The following NOD1 variants were observed in gnomAD, a reference collection of about 807,000 sequenced individuals.
NOD1 encodes nucleotide binding oligomerization domain containing 1.
A neutral mutation model predicts 81.2 loss-of-function variants in NOD1; 70 were observed. The observed-to-expected ratio is 0.86, with a 90% CI of 0.71 to 1.05. The LOEUF is 1.05. Ranked by LOEUF, NOD1 falls within the 50% of genes least tolerant of loss-of-function variation. NOD1 has a pLI of 0.00. For missense variants in NOD1, 1,233 were observed against 1,228.0 expected (o/e 1.00, Z -0.06); for synonymous variants, 508 against 526.9 (o/e 0.96, Z 0.49).
Position 30,451,521 on chromosome 7 carries a change from C to A in NOD1, c.1896G>T (p.Leu632=), listed in dbSNP as rs753351446. ...AHLFSSLRGY[L]KSLPRVQVES... ...CGACCTGAACGCGGGGCAGGCTCTT[C>A]AGGTAGCCCCGCAGGCTGGAAAACA... The change falls in exon 6 of 14, where the codon CTG becomes CTT. Residue 632 remains leucine (L), a synonymous_variant. Transcript: ENST00000222823. The surrounding 1 kb of genome is among the most constrained non-coding windows in gnomAD (Gnocchi z 4.2). The A allele has an allele frequency of 6.2e-7, 1 of 1,613,126 alleles. No homozygotes were observed.
chr7:30,430,242 TTAA>T (rs1783826218), intron 12 of NOD1, among the ~76,000 whole-genome samples: 1 of 152,180 alleles, frequency 6.6e-6, no homozygotes, highest in African/African-American at 2.4e-5. Context: ...TGGAAAAGCT[TTAA>T]TAATGGGGAC....
chr7:30,431,329 G>C (rs1453048949), intron 12 of NOD1, among the ~76,000 whole-genome samples: 1 of 152,206 alleles, frequency 6.6e-6, no homozygotes, highest in Non-Finnish European at 1.5e-5. Context: ...CATAAGAAAT[G>C]CAAAGAACCC....
At chr7:30,446,269 C>A (rs774620573) in intron 8 of NOD1, 45 bp from the exon 9 acceptor site, 1 of 1,440,514 alleles carries the variant, frequency 6.9e-7, no homozygotes, top group East Asian at 2.3e-5. Context: ...TATGCAGGGG[C>A]TCCAATGTGG....
intron 9 of NOD1, among the ~76,000 whole-genome samples, chr7:30,445,278 T>TAAAAAAAAAAAAA (rs55875433): frequency 1.3e-4 from 9 of 69,180 alleles, no homozygotes; most frequent in Non-Finnish European, 1.8e-4. Context: ...AAAAAGAATC[T>TAAAAAAAAAAAAA]AAAAAAAAAA....
chr7:30,458,279 G>C (rs372459554), intron 3 of NOD1, among the ~76,000 whole-genome samples: 1 of 152,098 alleles, frequency 6.6e-6, no homozygotes, highest in Non-Finnish European at 1.5e-5. Flanking sequence ...GAATACTTGC[G>C]TGTGTAAAAT....
Position 30,455,671 on chromosome 7 carries a change from G to T in NOD1, c.202-360C>A, listed in dbSNP as rs376089015. The stretch of plus-strand genomic sequence containing the variant: ...GGCTGGAGTGCAATGGCACAATCTT[G>T]GCTCACTGCAACCTCCACCTCCCAG... On this transcript the variant is annotated intron_variant, in intron 4 of 13. Coordinates refer to ENST00000222823, the MANE Select transcript of NOD1 (RefSeq NM_006092.4). Among the ~76,000 whole-genome samples the T allele has an allele frequency of 2.5e-4, 37 of 149,700 alleles. No individual in the cohort carries two copies. The South Asian group carries it at 7.2e-3, about 29-fold the overall frequency.
intron 9 of NOD1, among the ~76,000 whole-genome samples, chr7:30,438,249 G>C (rs1011609721): frequency 2.6e-5 from 4 of 152,204 alleles, no homozygotes; most frequent in African/African-American, 9.7e-5. Context: ...GCTGTATTCT[G>C]TCCCCTACAG....
At chr7:30,447,946 G>A in intron 7 of NOD1, 1 of 225,054 alleles carries the variant, frequency 4.4e-6, no homozygotes, top group Non-Finnish European at 8.8e-6. Context: ...TGCCCCAAAG[G>A]CTCTGGATGA....
chr7:30,432,994 T>A, intron 12 of NOD1, 102 bp downstream of exon 12: 1 of 866,252 alleles, frequency 1.2e-6, no homozygotes, highest in Admixed American at 2.4e-5. Flanking sequence ...AACCTCTGAA[T>A]TGTATACTTT....
intron 11 of NOD1, 142 bp downstream of exon 11, chr7:30,435,856 G>A (rs903748599): frequency 9.2e-6 from 6 of 649,802 alleles, no homozygotes; most frequent in Non-Finnish European, 1.6e-5. Flanking sequence ...GACTCGGAAG[G>A]CCAAGGCGGG....
intron 1 of NOD1, among the ~76,000 whole-genome samples, chr7:30,468,656 G>A (rs1188724552): frequency 6.6e-6 from 1 of 152,152 alleles, no homozygotes; most frequent in African/African-American, 2.4e-5. Context: ...GTAGGTACCT[G>A]CCTACCTCAG....
chr7:30,448,296 AC>A lies in NOD1; in HGVS notation c.2285+1del. Reference sequence around the variant, plus strand: ...GGCCCAGTGTTCTGGAGAAAGACATACCCCAAATAGGTCACAATTTTGTATT... The same window carrying A: ...GGCCCAGTGTTCTGGAGAAAGACATACCCAAATAGGTCACAATTTTGTATT... On this transcript the variant is annotated splice_donor_variant, in intron 7 of 13. Transcript: ENST00000222823. LOFTEE classifies it high-confidence loss of function. 1.2e-6 allele frequency: 2 copies of A among 1,611,354 alleles called. No homozygotes were observed. The highest frequency in any genetic ancestry group is 8.5e-7 in the Non-Finnish European group (1 of 1,177,470).
At chr7:30,446,093 C>T (rs919548407) in intron 9 of NOD1, 48 bp downstream of exon 9, 12 of 1,325,300 alleles carry the variant, frequency 9.1e-6, no homozygotes, top group African/African-American at 8.7e-5. Context: ...GCCCGCCCCC[C>T]ACACACACAG....
intron 10 of NOD1, among the ~76,000 whole-genome samples, chr7:30,436,486 CA>C (rs1784388795): frequency 1.3e-5 from 2 of 152,332 alleles, no homozygotes; most frequent in Admixed American, 1.3e-4. Flanking sequence ...GACTCTTTTT[CA>C]GTGGTAGGAA....
At chr7:30,468,919 A>G in intron 1 of NOD1, 1 of 985,440 alleles carries the variant, frequency 1.0e-6, no homozygotes, top group Non-Finnish European at 1.2e-6. Flanking sequence ...GACGTGAACA[A>G]CAGACTTCTT....
chr7:30,446,289 C>A (rs960358146), intron 8 of NOD1, 65 bp from the exon 9 acceptor site: 1 of 1,167,874 alleles, frequency 8.6e-7, no homozygotes. Flanking sequence ...GGTCACCCTC[C>A]TCCCCAGCAC....
At chr7:30,439,396 C>A (rs1385871694) in intron 9 of NOD1, among the ~76,000 whole-genome samples, 1 of 138,562 alleles carries the variant, frequency 7.2e-6, no homozygotes, top group Non-Finnish European at 1.5e-5. Flanking sequence ...CCAGTGTGTG[C>A]GCGCACCGTG....
At chr7:30,427,963 T>C (rs1783604525) in intron 13 of NOD1, among the ~76,000 whole-genome samples, 1 of 152,240 alleles carries the variant, frequency 6.6e-6, no homozygotes, top group Admixed American at 6.5e-5. Flanking sequence ...ATGCAAACAG[T>C]TCCAGTGCCC....
chr7:30,468,403 A>T (rs984132713), intron 1 of NOD1, among the ~76,000 whole-genome samples: 2 of 152,194 alleles, frequency 1.3e-5, no homozygotes, highest in Non-Finnish European at 2.9e-5. Context: ...TCAGCTCCCC[A>T]ACCCAAATGG....
Sources: allele counts gnomAD v4.1 joint callset (sites outside exome capture counted in the v4.1 genomes callset), GRCh38; gene constraint gnomAD v4.1.1; non-coding constraint Gnocchi (gnomAD v3.1); transcripts MANE v1.5; gene names NCBI Gene and HGNC (gene_info 2026-07-23, HGNC 2026-07-21).